Variants in EBF3 observed in about 807,000 individuals in gnomAD.
EBF3 encodes EBF transcription factor 3, also known as transcription factor COE3.
Under a neutral mutation model 77.1 loss-of-function variants are expected in EBF3, and 18 were observed. The observed-to-expected ratio is 0.23, with a 90% CI of 0.16 to 0.35. EBF3 has a LOEUF of 0.35. Ranked by LOEUF, EBF3 falls within the 10% of genes least tolerant of loss-of-function variation. The pLI is 1.00. For missense variants in EBF3, 558 were observed against 860.0 expected (o/e 0.65, Z 4.39); for synonymous variants, 350 against 343.5 (o/e 1.02, Z -0.21).
chr10:129,877,533 G>A (rs1471302734), intron 7 of EBF3, among the ~76,000 whole-genome samples: 2 of 145,486 alleles, frequency 1.4e-5, no homozygotes, highest in Non-Finnish European at 3.0e-5. Flanking sequence ...TCAAAGCTAA[G>A]TTCGCTGTTC....
intron 6 of EBF3, among the ~76,000 whole-genome samples, chr10:129,917,191 A>T (rs185302999): frequency 5.3e-5 from 8 of 152,272 alleles, no homozygotes; most frequent in Admixed American, 2.0e-4. Flanking sequence ...CAACATGGCG[A>T]AACCCCATCT....
chr10:129,889,368 C>T (rs1040975839), intron 6 of EBF3, among the ~76,000 whole-genome samples: 7 of 152,246 alleles, frequency 4.6e-5, no homozygotes, highest in East Asian at 1.9e-4. Context: ...AACCAGCAAA[C>T]GCCAGGGTGG....
intron 6 of EBF3, among the ~76,000 whole-genome samples, chr10:129,906,640 G>T (rs1214921657): frequency 6.6e-6 from 1 of 152,104 alleles, no homozygotes; most frequent in East Asian, 1.9e-4. Context: ...CCTACAGTTG[G>T]CTGTTTCTAA....
chr10:129,892,990 C>T (rs538618617), intron 6 of EBF3, among the ~76,000 whole-genome samples: 8 of 152,348 alleles, frequency 5.3e-5, no homozygotes, highest in Admixed American at 4.6e-4. Context: ...ACACACGGTT[C>T]GGAACAGGCT....
chr10:129,840,372 G>A lies in EBF3; in HGVS notation c.1632C>T (p.Gly544=). 1 of 1,558,198 alleles carries A rather than the reference G, an allele frequency of 6.4e-7. No individual in the cohort carries two copies. The highest frequency in any genetic ancestry group is 8.7e-7 in the Non-Finnish European group (1 of 1,150,010). The part of the protein sequence containing the change: ...TLPSNCSSTH[G]IFSFSPANVI... ...CATTGGCAGGTGAGAATGAGAAAATGCCGTGTGTGCTGCTACAGTTTGAAG... is the reference window on the plus strand; with the variant it reads ...CATTGGCAGGTGAGAATGAGAAAATACCGTGTGTGCTGCTACAGTTTGAAG... Residue 544 remains glycine (G), a synonymous_variant, in exon 15 of 17, where the codon GGC becomes GGT. Transcript: ENST00000440978.
intron 6 of EBF3, among the ~76,000 whole-genome samples, chr10:129,932,928 T>G (rs2134432401): frequency 7.1e-6 from 1 of 140,742 alleles, no homozygotes; most frequent in Non-Finnish European, 1.5e-5. Flanking sequence ...TTCAGAATGC[T>G]CAGTGTAGCA....
At chr10:129,927,810 G>A (rs1312697793) in intron 6 of EBF3, among the ~76,000 whole-genome samples, 1 of 152,202 alleles carries the variant, frequency 6.6e-6, no homozygotes, top group Non-Finnish European at 1.5e-5. Flanking sequence ...TATGTAAGCA[G>A]CTCTCCTGGC....
chr10:129,882,895 C>T (rs1185040393), intron 6 of EBF3, among the ~76,000 whole-genome samples: 1 of 152,258 alleles, frequency 6.6e-6, no homozygotes, highest in East Asian at 1.9e-4. Context: ...CTGTTGTTCT[C>T]ACCTAACTGA....
At chr10:129,867,080 A>G (rs760562490) in intron 10 of EBF3, 61 bp downstream of exon 10, 14 of 1,572,330 alleles carry the variant, frequency 8.9e-6, no homozygotes, top group Admixed American at 5.6e-5. Flanking sequence ...CCTCATGAGC[A>G]CCTCCTGGTG....
At chr10:129,867,368 C>T (rs1852098064) in intron 9 of EBF3, 101 bp from the exon 10 acceptor site, 1 of 1,539,068 alleles carries the variant, frequency 6.5e-7, no homozygotes, top group Admixed American at 2.2e-5. Flanking sequence ...CAAATTGGAC[C>T]ATCGTCTTGG....
Position 129,863,807 on chromosome 10 carries a change from G to A in EBF3, c.1039+3334C>T, listed in dbSNP as rs1012392282. Reference sequence around the variant, plus strand: ...CAGGTCATGACCCTACCTTTCCTCTGCTCCCCAGCCTGTAGAGCCTGTATC... The same window carrying A: ...CAGGTCATGACCCTACCTTTCCTCTACTCCCCAGCCTGTAGAGCCTGTATC... On this transcript the variant is annotated intron_variant, in intron 10 of 16. Transcript: ENST00000440978. This position sits in a 1 kb window ranked among gnomAD's most constrained non-coding sequence, Gnocchi z 4.0. Among the ~76,000 whole-genome samples the A allele has an allele frequency of 3.3e-5, 5 of 152,262 alleles. No individual in the cohort carries two copies. The highest frequency in any genetic ancestry group is 3.3e-4 in the Admixed American group (5 of 15,298).
intron 6 of EBF3, among the ~76,000 whole-genome samples, chr10:129,899,719 G>GA (rs1388680074): frequency 6.6e-6 from 1 of 151,844 alleles, no homozygotes; most frequent in Non-Finnish European, 1.5e-5. Flanking sequence ...CACCGTGCGT[G>GA]AAAAAAAAGC....
At chr10:129,939,974 A>G (rs567160117) in intron 6 of EBF3, among the ~76,000 whole-genome samples, 33 of 152,328 alleles carry the variant, frequency 2.2e-4, no homozygotes, top group African/African-American at 7.2e-4. Flanking sequence ...CTCTAGAGGT[A>G]CCATTCCTGG....
intron 7 of EBF3, 92 bp from the exon 8 acceptor site, chr10:129,873,688 A>C: frequency 7.7e-7 from 1 of 1,301,856 alleles, no homozygotes. Flanking sequence ...AATACTGCAG[A>C]GCACAAGGAA....
chr10:129,948,290 C>T (rs1467893363), intron 6 of EBF3, among the ~76,000 whole-genome samples: 11 of 143,926 alleles, frequency 7.6e-5, no homozygotes, highest in Non-Finnish European at 1.1e-4. Context: ...AAAAAAGCAG[C>T]AGCAGCTAGC....
At chr10:129,851,429 T>C (rs891289634) in intron 10 of EBF3, among the ~76,000 whole-genome samples, 1 of 152,248 alleles carries the variant, frequency 6.6e-6, no homozygotes, top group Admixed American at 6.5e-5. Flanking sequence ...AGGAATTGTT[T>C]AGCAGCATGC....
chr10:129,887,065 G>C (rs1455467995), intron 6 of EBF3, among the ~76,000 whole-genome samples: 7 of 107,330 alleles, frequency 6.5e-5, no homozygotes, highest in Middle Eastern at 4.1e-3. Flanking sequence ...GGGGGGGGGG[G>C]GGAGGTGAAT....
intron 10 of EBF3, among the ~76,000 whole-genome samples, chr10:129,857,758 G>A (rs1220940663): frequency 2.0e-5 from 3 of 152,132 alleles, no homozygotes; most frequent in Non-Finnish European, 2.9e-5. Flanking sequence ...TGCCGGGTGG[G>A]CAGGTATGTC....
intron 6 of EBF3, among the ~76,000 whole-genome samples, chr10:129,956,437 A>G (rs536869092): frequency 1.3e-5 from 2 of 152,312 alleles, no homozygotes; most frequent in South Asian, 4.1e-4. Flanking sequence ...GTTGGAAAGA[A>G]AGAAATCCTC....
Sources: allele counts gnomAD v4.1 joint callset (sites outside exome capture counted in the v4.1 genomes callset), GRCh38; gene constraint gnomAD v4.1.1; non-coding constraint Gnocchi (gnomAD v3.1); transcripts MANE v1.5; gene names NCBI Gene and HGNC (gene_info 2026-07-23, HGNC 2026-07-21).